Variants in TRABD2B observed in about 807,000 individuals in gnomAD.
TRABD2B encodes the protein metalloprotease TIKI2.
TRABD2B carries 14 observed loss-of-function variants against 40.1 expected under a neutral mutation model. That is an observed-to-expected ratio of 0.35 (90% CI 0.23 to 0.55). The LOEUF (loss-of-function observed/expected upper bound fraction) is 0.55, where lower values mean the gene tolerates loss of function less well. TRABD2B is among the 20% of genes least tolerant of loss of function. TRABD2B has a pLI of 0.90. For synonymous variants in TRABD2B, 263 were observed against 277.0 expected, an observed-to-expected ratio of 0.95 and a Z score of 0.50; for missense variants, 541 against 648.6, an observed-to-expected ratio of 0.83 and a Z score of 1.80.
chr1:47,900,704 T>G (rs780651499), intron 2 of TRABD2B, among the ~76,000 whole-genome samples: 6 of 152,192 alleles, frequency 3.9e-5, no homozygotes, highest in Admixed American at 6.5e-5. Flanking sequence ...TTTCTTGGTG[T>G]CAGCTAAGTG....
chr1:47,777,068 A>T (rs1464044291), intron 5 of TRABD2B, among the ~76,000 whole-genome samples: 1 of 151,626 alleles, frequency 6.6e-6, no homozygotes, highest in Non-Finnish European at 1.5e-5. Context: ...CCCATGGGGG[A>T]GCTGTGGAGG....
At chr1:47,785,853 A>G (rs1419779602) in intron 4 of TRABD2B, among the ~76,000 whole-genome samples, 1 of 152,218 alleles carries the variant, frequency 6.6e-6, no homozygotes, top group Non-Finnish European at 1.5e-5. Context: ...CCCTGTTGGC[A>G]GGGACAGGGC....
intron 2 of TRABD2B, among the ~76,000 whole-genome samples, chr1:47,939,796 A>T (rs1034731256): frequency 2.0e-5 from 3 of 152,168 alleles, no homozygotes; most frequent in Non-Finnish European, 4.4e-5. Flanking sequence ...ACATAAACTC[A>T]GAGCTTCCTA....
At chr1:47,781,920 T>C (rs1327786622) in intron 4 of TRABD2B, among the ~76,000 whole-genome samples, 1 of 152,240 alleles carries the variant, frequency 6.6e-6, no homozygotes, top group Non-Finnish European at 1.5e-5. Context: ...ATCCTGGTTC[T>C]CTCTGTACTT....
intron 2 of TRABD2B, among the ~76,000 whole-genome samples, chr1:47,873,588 T>A (rs1644176237): frequency 6.6e-6 from 1 of 152,140 alleles, no homozygotes; most frequent in Non-Finnish European, 1.5e-5. Flanking sequence ...GGCTGCATCA[T>A]CTTCCAGATG....
chr1:47,957,416 G>A (rs984912508), intron 2 of TRABD2B, among the ~76,000 whole-genome samples: 14 of 152,106 alleles, frequency 9.2e-5, no homozygotes, highest in African/African-American at 2.7e-4. Flanking sequence ...AAATTTCTCC[G>A]AGCTAAAGGA....
chr1:47,848,720 A>AC (rs751870910), intron 2 of TRABD2B, among the ~76,000 whole-genome samples: 30 of 152,090 alleles, frequency 2.0e-4, no homozygotes, highest in Non-Finnish European at 2.9e-4. Flanking sequence ...AGGTCACCAG[A>AC]CCCCCAGCCG....
chr1:47,883,710 A>G (rs1644335486), intron 2 of TRABD2B, among the ~76,000 whole-genome samples: 1 of 152,228 alleles, frequency 6.6e-6, no homozygotes, highest in African/African-American at 2.4e-5. Context: ...TGTTCCAACT[A>G]CAGGGAGGCA....
At chr1:47,948,282 C>T (rs1243714679) in intron 2 of TRABD2B, among the ~76,000 whole-genome samples, 1 of 151,854 alleles carries the variant, frequency 6.6e-6, no homozygotes, top group African/African-American at 2.4e-5. Flanking sequence ...TTAGGGGGAG[C>T]AGACAGACCA....
At position 47,852,499 on chromosome 1, in the gene TRABD2B, G is replaced by A. The variant is rs576659362; in HGVS notation, c.667-50880C>T. Among the ~76,000 whole-genome samples the A allele has an allele frequency of 5.9e-5, 9 of 152,270 alleles. No homozygotes were observed. The East Asian group carries it at 1.4e-3, about 23-fold the overall frequency. Reference sequence around the variant, plus strand: ...AGCAGGCCCCATGTGGCTGCGCAACGCCAAGAATCTGAGCCTTCCCTGCAG... The same window carrying A: ...AGCAGGCCCCATGTGGCTGCGCAACACCAAGAATCTGAGCCTTCCCTGCAG... On this transcript the variant is annotated intron_variant, in intron 2 of 6. Coordinates refer to ENST00000606738, the MANE Select transcript of TRABD2B (RefSeq NM_001194986.2).
intron 2 of TRABD2B, among the ~76,000 whole-genome samples, chr1:47,904,269 T>A (rs145198701): frequency 6.6e-6 from 1 of 151,834 alleles, no homozygotes; most frequent in Admixed American, 6.6e-5. Context: ...TTAAAAGAGA[T>A]GGAAATAGCA....
chr1:47,983,484 G>A (rs576899498), intron 2 of TRABD2B, among the ~76,000 whole-genome samples: 1 of 151,810 alleles, frequency 6.6e-6, no homozygotes, highest in East Asian at 1.9e-4. Context: ...GAACCTAAAA[G>A]TTTAAAAAAA....
At chr1:47,852,227 G>A (rs1645559511) in intron 2 of TRABD2B, among the ~76,000 whole-genome samples, 2 of 152,248 alleles carry the variant, frequency 1.3e-5, no homozygotes, top group South Asian at 4.2e-4. Flanking sequence ...TGAGATAGAC[G>A]AGGCCAGGCG....
chr1:47,904,028 T>C (rs932860099), intron 2 of TRABD2B, among the ~76,000 whole-genome samples: 3 of 152,140 alleles, frequency 2.0e-5, no homozygotes, highest in Admixed American at 6.6e-5. Flanking sequence ...CATGAGCTCA[T>C]CCTGGGGAAG....
At chr1:47,833,432 A>T (rs1645276380) in intron 2 of TRABD2B, among the ~76,000 whole-genome samples, 1 of 152,244 alleles carries the variant, frequency 6.6e-6, no homozygotes. Context: ...GGGCAGTAGC[A>T]TTTGGTTGAG....
Position 47,991,149 on chromosome 1 carries a change from T to A in TRABD2B, c.666+2885A>T, listed in dbSNP as rs1646005544. Reference sequence around the variant, plus strand: ...GGAAGCTGGGAGAACACATCCTTCATACAGAGTCAGGCTGACTGGCTCTGT... The same window carrying A: ...GGAAGCTGGGAGAACACATCCTTCAAACAGAGTCAGGCTGACTGGCTCTGT... On this transcript the variant is annotated intron_variant, in intron 2 of 6. Transcript: ENST00000606738. 2.0e-5 allele frequency among the ~76,000 whole-genome samples: 3 copies of A among 151,970 alleles called. 1 individual carries two copies. In the South Asian group the frequency reaches 6.2e-4, roughly 31 times the overall value.
intron 1 of TRABD2B, among the ~76,000 whole-genome samples, chr1:47,995,055 C>T (rs540963683): frequency 1.3e-5 from 2 of 152,124 alleles, no homozygotes; most frequent in South Asian, 2.1e-4. Context: ...GTGTTTCATG[C>T]GGAGGGTGGG....
chr1:47,891,866 G>T (rs560345090), intron 2 of TRABD2B, among the ~76,000 whole-genome samples: 58 of 152,052 alleles, frequency 3.8e-4, no homozygotes, highest in Admixed American at 6.5e-4. Context: ...AAAAAAAAAA[G>T]AAAGAGCAAG....
chr1:47,947,219 T>C (rs1297064342), intron 2 of TRABD2B, among the ~76,000 whole-genome samples: 3 of 152,220 alleles, frequency 2.0e-5, no homozygotes, highest in Admixed American at 6.5e-5. Flanking sequence ...CTACTAATGC[T>C]TATGAACACC....
Sources: gnomAD v4.1 joint callset for allele counts (sites outside exome capture counted in the v4.1 genomes callset) on GRCh38, gnomAD v4.1.1 for gene constraint, MANE v1.5 for transcripts, NCBI Gene and HGNC (gene_info 2026-07-23, HGNC 2026-07-21) for gene names.